RFX4: variants seen among roughly 807,000 people sequenced by gnomAD.
The protein encoded by RFX4 is transcription factor RFX4.
Under a neutral mutation model 95.0 loss-of-function variants are expected in RFX4, and 10 were observed. That is an observed-to-expected ratio of 0.11 (90% confidence interval 0.06 to 0.18). The LOEUF (loss-of-function observed/expected upper bound fraction) is 0.18, where lower values mean the gene tolerates loss of function less well. Among genes scored for constraint, RFX4 ranks in the 10% least tolerant of loss-of-function variants. The pLI, the probability that RFX4 is intolerant of heterozygous loss-of-function variation, is 1.00. For missense variants in RFX4, 640 were observed against 922.0 expected, an observed-to-expected ratio of 0.69 and a Z score of 3.96; for synonymous variants, 321 against 340.7, an observed-to-expected ratio of 0.94 and a Z score of 0.64.
intron 5 of RFX4, 88 bp downstream of exon 5, chr12:106,682,142 T>C (rs2041527609): frequency 7.5e-7 from 1 of 1,341,336 alleles, no homozygotes; most frequent in South Asian, 1.2e-5. Flanking sequence ...TCCTGAGCTC[T>C]GTCTGCAGGC....
At chr12:106,712,708 C>T (rs1460393725) in intron 10 of RFX4, among the ~76,000 whole-genome samples, 4 of 152,154 alleles carry the variant, frequency 2.6e-5, no homozygotes, top group Admixed American at 2.0e-4. Context: ...AGAGGCTACA[C>T]CTGGGCATTG....
chr12:106,738,978 A>G (rs1396454590), intron 15 of RFX4, among the ~76,000 whole-genome samples: 2 of 152,144 alleles, frequency 1.3e-5, no homozygotes, highest in Non-Finnish European at 2.9e-5. Flanking sequence ...AAAAAAGTCA[A>G]CTCAGCACAT....
intron 17 of RFX4, among the ~76,000 whole-genome samples, chr12:106,758,805 T>C (rs2043156693): frequency 6.6e-6 from 1 of 152,192 alleles, no homozygotes; most frequent in Admixed American, 6.5e-5. Context: ...GAAAGCGTGC[T>C]CCCCAACTGG....
At chr12:106,701,335 G>A (rs963630022) in intron 8 of RFX4, among the ~76,000 whole-genome samples, 14 of 152,076 alleles carry the variant, frequency 9.2e-5, no homozygotes, top group African/African-American at 2.9e-4. Context: ...TCAGCTGTTC[G>A]ACCATGATGT....
At chr12:106,704,762 G>C (rs956578997) in intron 8 of RFX4, among the ~76,000 whole-genome samples, 2 of 152,154 alleles carry the variant, frequency 1.3e-5, no homozygotes, top group African/African-American at 4.8e-5. Flanking sequence ...TCTCAGCACA[G>C]TGGTTGTTAA....
chr12:106,729,233 A>C (rs1565997485), intron 13 of RFX4, among the ~76,000 whole-genome samples: 1 of 152,134 alleles, frequency 6.6e-6, no homozygotes, highest in Non-Finnish European at 1.5e-5. Context: ...CTCTCTTTCT[A>C]TCCATGTTGA....
At chr12:106,629,350 A>G (rs900554055) in intron 2 of RFX4, among the ~76,000 whole-genome samples, 22 of 152,236 alleles carry the variant, frequency 1.4e-4, no homozygotes, top group African/African-American at 5.1e-4. Context: ...GGATGTGTCC[A>G]GGTAAAGCTG....
At chr12:106,683,049 ATT>A (rs2041554299) in intron 5 of RFX4, 1 of 152,336 alleles carries the variant, frequency 6.6e-6, no homozygotes, top group East Asian at 1.9e-4. Flanking sequence ...ATTATGCAGC[ATT>A]TCTAAGCATT....
intron 7 of RFX4, among the ~76,000 whole-genome samples, chr12:106,693,436 T>G (rs568993448): frequency 1.3e-5 from 2 of 152,290 alleles, no homozygotes; most frequent in Admixed American, 6.5e-5. Context: ...TGCTAGAAAT[T>G]GACTGCTCAT....
intron 15 of RFX4, among the ~76,000 whole-genome samples, chr12:106,744,522 G>A (rs1294005298): frequency 1.3e-5 from 2 of 152,174 alleles, no homozygotes; most frequent in Admixed American, 6.5e-5. Context: ...TCATAATGAA[G>A]AGTGTTTGCA....
chr12:106,603,975 A>G (rs1335717088), intron 1 of RFX4, among the ~76,000 whole-genome samples: 1 of 152,142 alleles, frequency 6.6e-6, no homozygotes, highest in Non-Finnish European at 1.5e-5. Flanking sequence ...AGCGCCAGCC[A>G]CTGGGTGTGA....
At chr12:106,655,270 G>A (rs890465177) in intron 4 of RFX4, among the ~76,000 whole-genome samples, 4 of 152,246 alleles carry the variant, frequency 2.6e-5, no homozygotes, top group African/African-American at 9.6e-5. Flanking sequence ...CAATAAATGG[G>A]AGGATGCTCT....
intron 4 of RFX4, among the ~76,000 whole-genome samples, chr12:106,673,355 T>C (rs2041323464): frequency 6.6e-6 from 1 of 152,136 alleles, no homozygotes; most frequent in Non-Finnish European, 1.5e-5. Context: ...GAGGTTGAGC[T>C]CTTGCCCTGC....
chr12:106,664,561 G>A (rs2041136697), intron 4 of RFX4, among the ~76,000 whole-genome samples: 2 of 151,486 alleles, frequency 1.3e-5, no homozygotes, highest in South Asian at 4.2e-4. Flanking sequence ...ATTGACTTCT[G>A]CTCTAATTCT....
rs538897194 is a variant in RFX4, at chr12:106,755,908, C to T, written c.1935+5115C>T. On this transcript the variant is annotated intron_variant, in intron 17 of 17. Coordinates refer to ENST00000392842, the MANE Select transcript of RFX4 (RefSeq NM_213594.3). ...GCAAATAAATGCCAGCTAGATTTGC[C>T]TTAGAGGGCTGATACATCTATGAAG... Among the ~76,000 whole-genome samples the T allele has an allele frequency of 7.9e-5, 12 of 152,310 alleles. 1 individual carries two copies. The highest frequency in any genetic ancestry group is 6.2e-4 in the South Asian group (3 of 4,824).
chr12:106,675,664 G>A (rs954976839), intron 4 of RFX4, among the ~76,000 whole-genome samples: 7 of 151,952 alleles, frequency 4.6e-5, no homozygotes, highest in Admixed American at 6.6e-5. Context: ...ACATAACTAC[G>A]GTCACCCAAC....
intron 2 of RFX4, among the ~76,000 whole-genome samples, chr12:106,613,724 T>A (rs1341189275): frequency 6.6e-6 from 1 of 152,160 alleles, no homozygotes; most frequent in African/African-American, 2.4e-5. Context: ...TATCTTTGTC[T>A]GGCTTTCATA....
chr12:106,683,509 A>G (rs886129904), intron 5 of RFX4: 2 of 133,034 alleles, frequency 1.5e-5, no homozygotes, highest in Non-Finnish European at 3.2e-5. Context: ...AACCTCAGTT[A>G]TAATTTTAAA....
chr12:106,686,205 G>A (rs1222022887), intron 5 of RFX4, among the ~76,000 whole-genome samples: 1 of 152,168 alleles, frequency 6.6e-6, no homozygotes, highest in East Asian at 1.9e-4. Flanking sequence ...GAGGTCAGGA[G>A]TTTGAGACCA....
Sources: gnomAD v4.1 joint callset for allele counts (sites outside exome capture counted in the v4.1 genomes callset) on GRCh38, gnomAD v4.1.1 for gene constraint, MANE v1.5 for transcripts, NCBI Gene and HGNC (gene_info 2026-07-23, HGNC 2026-07-21) for gene names.